The following DENND1A variants were observed in gnomAD, a reference collection of about 807,000 sequenced individuals.
DENND1A encodes DENN domain containing 1A, also known as DENN domain-containing protein 1A.
Under a neutral mutation model 113.7 loss-of-function variants are expected in DENND1A, and 51 were observed. That is an observed-to-expected ratio of 0.45 (90% confidence interval 0.36 to 0.57). The LOEUF is 0.57. Ranked by LOEUF, DENND1A falls within the 20% of genes least tolerant of loss-of-function variation. DENND1A has a pLI of 0.00. For missense variants in DENND1A, 1,258 were observed against 1,395.9 expected (o/e 0.90, Z 1.57); for synonymous variants, 565 against 570.8 (o/e 0.99, Z 0.14).
intron 5 of DENND1A, among the ~76,000 whole-genome samples, chr9:123,716,786 A>G (rs1039306208): frequency 2.6e-5 from 4 of 152,340 alleles, no homozygotes; most frequent in African/African-American, 9.6e-5. Context: ...AACAAACAGT[A>G]GCCACTTTAA....
At chr9:123,441,126 T>C (rs1454364923) in intron 18 of DENND1A, among the ~76,000 whole-genome samples, 1 of 152,230 alleles carries the variant, frequency 6.6e-6, no homozygotes, top group African/African-American at 2.4e-5. Flanking sequence ...ATAAACATTT[T>C]CAAGGGTTTT....
At chr9:123,655,422 G>T (rs1304095317) in intron 8 of DENND1A, among the ~76,000 whole-genome samples, 1 of 152,108 alleles carries the variant, frequency 6.6e-6, no homozygotes, top group African/African-American at 2.4e-5. Context: ...GAAGAACGTA[G>T]CATGTGACTC....
At chr9:123,742,237 A>G (rs958419810) in intron 5 of DENND1A, among the ~76,000 whole-genome samples, 24 of 122,496 alleles carry the variant, frequency 2.0e-4, no homozygotes, top group Non-Finnish European at 2.9e-4. Flanking sequence ...AAAGCATGGG[A>G]AAAAAAAAAA....
intron 5 of DENND1A, among the ~76,000 whole-genome samples, chr9:123,716,161 T>C (rs1240488180): frequency 6.6e-6 from 1 of 152,172 alleles, no homozygotes; most frequent in African/African-American, 2.4e-5. Context: ...TAGGGAGTGG[T>C]AGAAAGGCAC....
Position 123,383,710 on chromosome 9 carries a change from T to C in DENND1A, c.1964A>G (p.Glu655Gly). ...LQPLGQAKSL[E>G]DLRAPKDLRE... is the part of the protein sequence containing the mutation. ...CAGGTCTTTGGGGGCACGAAGGTCC[T>C]CTAAGCTCTTGGCCTGGCCCAGTGG... Residue 655 changes from glutamate to glycine, a missense_variant, in exon 23 of 24, where the codon GAG (glutamate) becomes GGG (glycine). Glu to Gly is a moderately conservative substitution (Grantham distance 98, BLOSUM62 -2). Coordinates refer to ENST00000394215, the MANE Select transcript of DENND1A (RefSeq NM_001352964.2). The C allele has an allele frequency of 1.2e-6, 2 of 1,614,144 alleles. No individual in the cohort carries two copies. Among genetic ancestry groups the C allele is most frequent in the Non-Finnish European group, 1.7e-6 (2 of 1,180,028 alleles).
chr9:123,743,484 C>T (rs2069195979), intron 5 of DENND1A, among the ~76,000 whole-genome samples: 1 of 151,886 alleles, frequency 6.6e-6, no homozygotes, highest in South Asian at 2.1e-4. Context: ...GTAATCCCAG[C>T]ACTTTGGGAG....
chr9:123,556,451 C>T (rs189179773), intron 13 of DENND1A, among the ~76,000 whole-genome samples: 8 of 152,334 alleles, frequency 5.3e-5, no homozygotes, highest in East Asian at 1.9e-4. Context: ...TGTATAATTG[C>T]GGCTTACAAG....
At chr9:123,530,719 G>A (rs2055225699) in intron 13 of DENND1A, among the ~76,000 whole-genome samples, 1 of 152,176 alleles carries the variant, frequency 6.6e-6, no homozygotes, top group African/African-American at 2.4e-5. Flanking sequence ...TGCAGGGGAT[G>A]TGTTCCACGA....
chr9:123,598,651 T>C (rs1385279993), intron 11 of DENND1A, among the ~76,000 whole-genome samples: 1 of 152,156 alleles, frequency 6.6e-6, no homozygotes, highest in Non-Finnish European at 1.5e-5. Flanking sequence ...CTCTTATTTT[T>C]AAAAATTGGG....
chr9:123,623,557 A>AC (rs150065493), intron 10 of DENND1A, among the ~76,000 whole-genome samples: 1 of 143,024 alleles, frequency 7.0e-6, no homozygotes, highest in African/African-American at 3.0e-5. Context: ...GAAGGGACAC[A>AC]AAAAAAAATA....
At chr9:123,544,688 T>C (rs954896271) in intron 13 of DENND1A, among the ~76,000 whole-genome samples, 1 of 152,252 alleles carries the variant, frequency 6.6e-6, no homozygotes, top group African/African-American at 2.4e-5. Flanking sequence ...GGGGAATATA[T>C]ATAAAGAGCC....
At chr9:123,682,109 T>C (rs2064503398) in intron 5 of DENND1A, among the ~76,000 whole-genome samples, 1 of 152,170 alleles carries the variant, frequency 6.6e-6, no homozygotes, top group Admixed American at 6.5e-5. Flanking sequence ...GCCCAGTGGA[T>C]TTCAGCCTTA....
chr9:123,398,580 T>C lies in DENND1A; in HGVS notation c.1631+4822A>G, dbSNP rs10986005. Among the ~76,000 whole-genome samples the C allele has an allele frequency of 3.8e-3, 577 of 152,126 alleles. 24 individuals are homozygous for C. The East Asian group carries it at 0.1, about 27-fold the overall frequency. On this transcript the variant is annotated intron_variant, in intron 21 of 23. Transcript: ENST00000394215. ...TTTTAGTAGAGACGGGGTTTCACTG[T>C]GTTAGCCAGGATGGTCTTGATCTCC...
At chr9:123,599,598 C>A (rs962600818) in intron 11 of DENND1A, among the ~76,000 whole-genome samples, 1 of 152,110 alleles carries the variant, frequency 6.6e-6, no homozygotes, top group African/African-American at 2.4e-5. Context: ...AGGCACACAC[C>A]CACAGAAGCT....
chr9:123,571,946 C>T (rs182436872), intron 12 of DENND1A, among the ~76,000 whole-genome samples: 62 of 152,296 alleles, frequency 4.1e-4, no homozygotes, highest in Non-Finnish European at 7.4e-4. Flanking sequence ...TAAATGCTTC[C>T]ACATCTTTGA....
At chr9:123,898,780 G>T (rs539375243) in intron 1 of DENND1A, among the ~76,000 whole-genome samples, 1 of 152,306 alleles carries the variant, frequency 6.6e-6, no homozygotes, top group South Asian at 2.1e-4. Flanking sequence ...CTTTTACAGT[G>T]TGCTCTTTGT....
rs780666850 is a variant in DENND1A, at chr9:123,382,034, G to C, written c.2611C>G (p.Pro871Ala). ...GGGAAGCTGAATTGGGGGGTGAATG[G>C]GGTGGCTACATTCGGGGTGGCGGGG... ...SRPATPNVAT[P>A]FTPQFSFPPA... Residue 871 changes from proline to alanine, a missense_variant, in exon 24 of 24, where the codon CCA becomes GCA. This residue lies in a region of DENND1A where 1,159 missense variants were observed against 1,231.7 expected (regional missense o/e 0.94). Transcript: ENST00000394215. 1 of 1,491,700 alleles carries C rather than the reference G, an allele frequency of 6.7e-7. No homozygotes were observed. Among genetic ancestry groups the C allele is most frequent in the Non-Finnish European group, 8.9e-7 (1 of 1,122,866 alleles). 92.4% of individuals were successfully genotyped at this position (1,491,700 alleles called of 1,614,324 possible). A position where few individuals can be genotyped will look rare whatever the true frequency, so the allele number is the denominator to read the frequency against.
chr9:123,551,756 C>T (rs975351751), intron 13 of DENND1A, among the ~76,000 whole-genome samples: 1 of 152,192 alleles, frequency 6.6e-6, no homozygotes, highest in Admixed American at 6.5e-5. Context: ...GCCCTGAAGA[C>T]ACACATCACC....
intron 5 of DENND1A, among the ~76,000 whole-genome samples, chr9:123,700,668 T>A (rs1005572869): frequency 6.6e-5 from 10 of 152,196 alleles, no homozygotes; most frequent in African/African-American, 2.4e-4. Flanking sequence ...TGGAGGGTGA[T>A]CTCCTTTACT....
Sources: allele counts gnomAD v4.1 joint callset (sites outside exome capture counted in the v4.1 genomes callset), GRCh38; gene constraint gnomAD v4.1.1; regional missense constraint gnomAD v4.1.1; transcripts MANE v1.5; gene names NCBI Gene and HGNC (gene_info 2026-07-23, HGNC 2026-07-21).